Variants in APBB2 observed in about 807,000 individuals in gnomAD.
APBB2 encodes the protein Fe65-like 1.
APBB2 carries 38 observed loss-of-function variants against 82.5 expected under a neutral mutation model. The observed-to-expected ratio is 0.46, with a 90% CI of 0.36 to 0.60. The LOEUF is 0.60. Ranked by LOEUF, APBB2 falls within the 20% of genes least tolerant of loss-of-function variation. APBB2 has a pLI of 0.00. For missense variants in APBB2, 772 were observed against 972.3 expected, an observed-to-expected ratio of 0.79 and a Z score of 2.74; for synonymous variants, 341 against 368.2, an observed-to-expected ratio of 0.93 and a Z score of 0.85.
rs965394215 is a variant in APBB2 at position 40,992,362 on chromosome 4, G to GGT, written c.835+21220_835+21221insAC. ...TTATTTATTTATTTTTGGTAGAGAT[G>GGT]GGGGGGGGTCTTTCTATGTTGCCCA... On this transcript the variant is annotated intron_variant, in intron 6 of 17. Transcript: ENST00000508593. 0.015 allele frequency among the ~76,000 whole-genome samples: 62 copies of GGT among 4,190 alleles called. No individual in the cohort carries two copies. The East Asian group carries it at 0.26, about 18-fold the overall frequency. The allele number at this position is 4,190 out of a possible 152,430, so 2.7% of individuals were successfully genotyped here. A position where few individuals can be genotyped will look rare whatever the true frequency, so the allele number is the denominator to read the frequency against.
At chr4:41,124,279 C>T (rs1753753819) in intron 2 of APBB2, among the ~76,000 whole-genome samples, 2 of 152,120 alleles carry the variant, frequency 1.3e-5, no homozygotes, top group Admixed American at 6.6e-5. Flanking sequence ...AGTGCAGTGG[C>T]GTGATCTCGG....
intron 7 of APBB2, chr4:40,935,358 T>C: frequency 2.0e-6 from 1 of 501,900 alleles, no homozygotes; most frequent in Non-Finnish European, 3.5e-6. Context: ...CTTTAATTAC[T>C]TACCAAATAA....
intron 2 of APBB2, among the ~76,000 whole-genome samples, chr4:41,139,852 G>A (rs1004755109): frequency 2.0e-5 from 3 of 152,146 alleles, no homozygotes; most frequent in Non-Finnish European, 4.4e-5. Context: ...ATATATTTAT[G>A]AAAGCTCATA....
At chr4:41,158,507 T>C (rs971469363) in intron 1 of APBB2, among the ~76,000 whole-genome samples, 1 of 152,154 alleles carries the variant, frequency 6.6e-6, no homozygotes, top group African/African-American at 2.4e-5. Context: ...GGGCAACAGG[T>C]CTGGTTTGGA....
chr4:40,952,942 G>T (rs1790605698), intron 6 of APBB2, among the ~76,000 whole-genome samples: 1 of 152,076 alleles, frequency 6.6e-6, no homozygotes, highest in Non-Finnish European at 1.5e-5. Context: ...CATTTCTAGG[G>T]CTCAGAGAGG....
intron 1 of APBB2, among the ~76,000 whole-genome samples, chr4:41,167,714 G>C (rs553158738): frequency 1.3e-5 from 2 of 152,266 alleles, no homozygotes. Context: ...TTCAAAAACG[G>C]ACAAACCCTC....
chr4:40,889,014 T>C (rs577395388), intron 12 of APBB2, among the ~76,000 whole-genome samples: 1 of 152,374 alleles, frequency 6.6e-6, no homozygotes, highest in East Asian at 1.9e-4. Context: ...AACCAATTCA[T>C]GCATCTTTCC....
chr4:41,181,046 C>T (rs1249838469), intron 1 of APBB2, among the ~76,000 whole-genome samples: 1 of 152,168 alleles, frequency 6.6e-6, no homozygotes, highest in Non-Finnish European at 1.5e-5. Flanking sequence ...AATTTAATCC[C>T]ATCAATTACA....
chr4:40,987,977 G>C (rs976604269), intron 6 of APBB2, among the ~76,000 whole-genome samples: 1 of 152,152 alleles, frequency 6.6e-6, no homozygotes, highest in East Asian at 1.9e-4. Flanking sequence ...GTGTTCACCA[G>C]ATAAAATTGA....
At position 40,900,463 on chromosome 4, in the gene APBB2, T is replaced by TG. The variant is rs1010394153; in HGVS notation, c.1255-7053_1255-7052insC. Among the ~76,000 whole-genome samples, 83 of 150,632 alleles carry TG rather than the reference T, an allele frequency of 5.5e-4. 1 individual carries two copies. The East Asian group carries it at 0.014, about 25-fold the overall frequency. The stretch of plus-strand genomic sequence containing the variant: ...GAGCTCACGGAAGGAGGTTTTTTTT[T>TG]TTTTTTTTTTAAGATGGAGTCTCAC... On this transcript the variant is annotated intron_variant, in intron 10 of 17. Coordinates refer to ENST00000508593, the MANE Select transcript of APBB2 (RefSeq NM_004307.2).
chr4:40,995,379 A>G (rs919765678), intron 6 of APBB2, among the ~76,000 whole-genome samples: 4 of 151,940 alleles, frequency 2.6e-5, no homozygotes, highest in African/African-American at 9.7e-5. Context: ...TCCGTCAGAA[A>G]TGGATCTTTT....
rs1745312804 is a variant in APBB2, at chr4:40,815,272, C to G, written c.*820G>C. The G allele has an allele frequency of 6.6e-6, 1 of 152,606 alleles. No homozygotes were observed. The highest frequency in any genetic ancestry group is 2.4e-5 in the African/African-American group (1 of 41,430). 9.5% of individuals were successfully genotyped at this position (152,606 alleles called of 1,614,324 possible). A position where few individuals can be genotyped will look rare whatever the true frequency, so the allele number is the denominator to read the frequency against. On this transcript the variant is annotated 3_prime_UTR_variant, in exon 18 of 18. Coordinates refer to ENST00000508593, the MANE Select transcript of APBB2 (RefSeq NM_004307.2). ...AATGGCCATAGTGAACTATAATTCTCTAGCTGCACCGTACAATATAAGGCA... is the reference window on the plus strand; with the variant it reads ...AATGGCCATAGTGAACTATAATTCTGTAGCTGCACCGTACAATATAAGGCA...
chr4:41,012,764 G>C (rs1290819611), intron 6 of APBB2, among the ~76,000 whole-genome samples: 4 of 152,074 alleles, frequency 2.6e-5, no homozygotes, highest in Non-Finnish European at 4.4e-5. Flanking sequence ...TAAAAAATTA[G>C]CCTTTCTGAG....
At chr4:40,829,107 A>C (rs756744022) in intron 13 of APBB2, among the ~76,000 whole-genome samples, 10 of 152,216 alleles carry the variant, frequency 6.6e-5, no homozygotes, top group Non-Finnish European at 1.5e-4. Context: ...GGGCTGGCTA[A>C]AAGAAGCTTG....
At chr4:41,026,077 G>C (rs549405207) in intron 5 of APBB2, among the ~76,000 whole-genome samples, 1 of 152,062 alleles carries the variant, frequency 6.6e-6, no homozygotes, top group African/African-American at 2.4e-5. Context: ...ATTATCCTTA[G>C]AAAACTAATG....
intron 1 of APBB2, among the ~76,000 whole-genome samples, chr4:41,171,291 T>C (rs1768167483): frequency 6.6e-6 from 1 of 152,182 alleles, no homozygotes; most frequent in South Asian, 2.1e-4. Context: ...TGGACTATAG[T>C]GATACAGAGC....
At chr4:41,110,142 T>TTGG (rs1184398439) in intron 2 of APBB2, among the ~76,000 whole-genome samples, 2 of 152,148 alleles carry the variant, frequency 1.3e-5, no homozygotes, top group Non-Finnish European at 2.9e-5. Context: ...AACCACTCCC[T>TTGG]CCTCCTTGGC....
chr4:40,818,643 C>T (rs1746660512), intron 17 of APBB2, among the ~76,000 whole-genome samples: 2 of 152,166 alleles, frequency 1.3e-5, no homozygotes, highest in Non-Finnish European at 2.9e-5. Flanking sequence ...ACTGTCCCTG[C>T]TCCCCTGAAC....
chr4:41,167,571 C>G (rs972805805), intron 1 of APBB2, among the ~76,000 whole-genome samples: 6 of 152,132 alleles, frequency 3.9e-5, no homozygotes, highest in Non-Finnish European at 8.8e-5. Context: ...CAAGTAGTGC[C>G]TATGCATATT....
Sources: allele counts gnomAD v4.1 joint callset (sites outside exome capture counted in the v4.1 genomes callset), GRCh38; gene constraint gnomAD v4.1.1; transcripts MANE v1.5; gene names NCBI Gene and HGNC (gene_info 2026-07-23, HGNC 2026-07-21).